Variants in ARFGAP1 observed in about 807,000 individuals in gnomAD.
ARFGAP1 encodes the protein ARF GTPase activating protein 1.
A neutral mutation model predicts 54.0 loss-of-function variants in ARFGAP1; 26 were observed. That is an observed-to-expected ratio of 0.48 (90% CI 0.35 to 0.67). ARFGAP1 has a LOEUF of 0.67. ARFGAP1 is among the 30% of genes least tolerant of loss of function. The probability of loss-of-function intolerance (pLI) is 0.00; values close to 1 mark genes in which losing one functional copy is unlikely to be tolerated. For synonymous variants in ARFGAP1, 248 were observed against 211.9 expected (o/e 1.17, Z -1.48); for missense variants, 525 against 535.8 (o/e 0.98, Z 0.20).
chr20:63,274,213 G>A (rs2067173403), intron 1 of ARFGAP1: 1 of 130,622 alleles, frequency 7.7e-6, no homozygotes, highest in African/African-American at 2.8e-5. Context: ...GAAAACAGGT[G>A]TTTATTTCCT....
In ARFGAP1 at chr20:63,278,876, C is replaced by T. The variant is rs781652377; in HGVS notation, c.531-23C>T. 5.6e-6 allele frequency: 9 copies of T among 1,612,650 alleles called. No individual in the cohort carries two copies. The East Asian group carries it at 2.0e-4, about 36-fold the overall frequency. ...GCAGGGTTCATGCCAGCATCTTCGG[C>T]CTCTTGTCCGCTTTGTTTTCAGGGC... On this transcript the variant is annotated intron_variant, in intron 6 of 12. Coordinates refer to ENST00000370283, the MANE Select transcript of ARFGAP1 (RefSeq NM_018209.4).
chr20:63,275,067 G>T (rs1348739101), intron 1 of ARFGAP1, among the ~76,000 whole-genome samples: 1 of 152,208 alleles, frequency 6.6e-6, no homozygotes, highest in Non-Finnish European at 1.5e-5. Context: ...AGGCAGCGGG[G>T]CACAGGCGGG....
rs780451093 is a variant in ARFGAP1 at position 63,284,898 on chromosome 20, C to T, written c.750C>T (p.Asn250=). The part of the protein sequence containing the change: ...ASELGHSLNE[N]VLKPAQEKVK... ...AGCTGGGCCACAGCCTGAACGAGAA[C>T]GTCCTCAAGCCTGCGCAGGAGAAGG... The change falls in exon 10 of 13, where the codon AAC becomes AAT. Residue 250 remains asparagine (N), a synonymous_variant. Coordinates refer to ENST00000370283, the MANE Select transcript of ARFGAP1 (RefSeq NM_018209.4). The T allele has an allele frequency of 1.5e-5, 25 of 1,613,080 alleles. No homozygotes were observed. Among genetic ancestry groups the T allele is most frequent in the Admixed American group, 3.3e-5 (2 of 59,988 alleles).
At chr20:63,286,745 G>C in intron 12 of ARFGAP1, 2 of 233,044 alleles carry the variant, frequency 8.6e-6, no homozygotes, top group South Asian at 5.3e-5. Context: ...CAGGAGCTGG[G>C]CTCCCCAGGC....
In ARFGAP1 at chr20:63,276,029, T is replaced by C. The variant is rs2067226748; in HGVS notation, c.61-62T>C. On this transcript the variant is annotated intron_variant, in intron 2 of 12. Coordinates refer to ENST00000370283, the MANE Select transcript of ARFGAP1 (RefSeq NM_018209.4). This position sits in a 1 kb window ranked among gnomAD's most constrained non-coding sequence, Gnocchi z 5.2. ...TCGCTCCTTGAGGCCACCTGTCGGG[T>C]CTTTGGGGTCCCTGGGCTCTGCCCT... 6.6e-7 allele frequency: 1 copy of C among 1,506,788 alleles called. No individual in the cohort carries two copies. The highest frequency in any genetic ancestry group is 1.4e-5 in the African/African-American group (1 of 72,756). The allele number at this position is 1,506,788 out of a possible 1,614,324, so 93.3% of individuals were successfully genotyped here.
intron 9 of ARFGAP1, 166 bp downstream of exon 9, chr20:63,283,017 C>T (rs2067427380): frequency 2.7e-6 from 2 of 742,914 alleles, no homozygotes; most frequent in Non-Finnish European, 4.5e-6. Flanking sequence ...TTCCCCTCCT[C>T]ATGCCCGGGT....
At chr20:63,283,145 G>C (rs554114401) in intron 9 of ARFGAP1, 5 of 486,882 alleles carry the variant, frequency 1.0e-5, no homozygotes, top group Admixed American at 7.0e-5. Flanking sequence ...AGGACTGCCC[G>C]GCTTGGCAGA....
intron 9 of ARFGAP1, chr20:63,284,086 G>A (rs1247305059): frequency 3.6e-6 from 5 of 1,382,858 alleles, no homozygotes; most frequent in African/African-American, 1.5e-5. Flanking sequence ...TCACCCCTGC[G>A]CAGTACCACT....
rs758614591 is a variant in ARFGAP1 at position 63,287,595 on chromosome 20, G to A, written c.943G>A (p.Gly315Ser). ...GGAGGGCCACAGTTATCAGAACAGC[G>A]GTCTGGACCACTTCCAAAACAGCAA... ...PSEGHSYQNS[G>S]LDHFQNSNID... The change falls in exon 13 of 13, where the codon GGT (glycine) becomes AGT (serine). Residue 315 changes from glycine (G) to serine (S), a missense_variant. Gly to Ser is a moderately conservative substitution (Grantham distance 56, BLOSUM62 0). This residue lies in a region of ARFGAP1 where 466 missense variants were observed against 453.6 expected (regional missense o/e 1.03). Coordinates refer to ENST00000370283, the MANE Select transcript of ARFGAP1 (RefSeq NM_018209.4). The A allele has an allele frequency of 8.7e-6, 14 of 1,607,786 alleles. No individual in the cohort carries two copies. Among genetic ancestry groups the A allele is most frequent in the Admixed American group, 5.0e-5 (3 of 59,728 alleles).
chr20:63,280,239 G>A lies in ARFGAP1; in HGVS notation c.628-1052G>A, dbSNP rs576698895. ...GGGGGCTGCTTAAACGGGAGCTTGC[G>A]CTGAGAGCCAAGGAAGGGCTTATTT... On this transcript the variant is annotated intron_variant, in intron 7 of 12. Transcript: ENST00000370283. Among the ~76,000 whole-genome samples the A allele has an allele frequency of 1.4e-4, 22 of 152,374 alleles. 1 individual carries two copies. The highest frequency in any genetic ancestry group is 4.6e-4 in the Admixed American group (7 of 15,310).
chr20:63,287,455 G>A, intron 12 of ARFGAP1, 109 bp from the exon 13 acceptor site: 2 of 1,062,836 alleles, frequency 1.9e-6, no homozygotes, highest in Non-Finnish European at 2.6e-6. Context: ...CCTGAGCGCT[G>A]GCCTGGGAAG....
At chr20:63,275,993 GC>G in intron 2 of ARFGAP1, 97 bp from the exon 3 acceptor site, 6 of 1,102,108 alleles carry the variant, frequency 5.4e-6, no homozygotes, top group Non-Finnish European at 8.3e-6. Context: ...ACCCTGGGCA[GC>G]CCTCTGCATT....
rs1198986621 is a variant in ARFGAP1 at position 63,286,217 on chromosome 20, CTG to C, written c.835-147_835-146del. 3 of 1,548,142 alleles carry C rather than the reference CTG, an allele frequency of 1.9e-6. No homozygotes were observed. In the African/African-American group the frequency reaches 4.1e-5, roughly 21 times the overall value. On this transcript the variant is annotated intron_variant, in intron 11 of 12. Transcript: ENST00000370283. ...TGCAGAGTGGCCGGGGCGTCTGTGT[CTG>C]TACGTGTGTGCGAGGCACCCCTTGT...
In ARFGAP1 at chr20:63,276,830, A is replaced by G. The variant is rs572015607; in HGVS notation, c.342+179A>G. The G allele has an allele frequency of 1.0e-4, 69 of 684,372 alleles. No individual in the cohort carries two copies. Among genetic ancestry groups the G allele is most frequent in the Non-Finnish European group, 1.4e-4 (62 of 428,840 alleles). 42.4% of individuals were successfully genotyped at this position (684,372 alleles called of 1,614,324 possible). A position where few individuals can be genotyped will look rare whatever the true frequency, so the allele number is the denominator to read the frequency against. On this transcript the variant is annotated intron_variant, in intron 4 of 12. Transcript: ENST00000370283. This position sits in a 1 kb window ranked among gnomAD's most constrained non-coding sequence, Gnocchi z 5.2. ...AGGCTTCCTGCCCAGAGGGGAGGCA[A>G]ATGGCTTGCGGGGGGAGACAGACCT...
In ARFGAP1 at chr20:63,284,469, G is replaced by C. The variant is rs112794130; in HGVS notation, c.718-397G>C. 327 of 1,110,394 alleles carry C rather than the reference G, an allele frequency of 2.9e-4. 1 individual carries two copies. Among genetic ancestry groups the C allele is most frequent in the African/African-American group, 1.1e-3 (66 of 61,914 alleles). 68.8% of individuals were successfully genotyped at this position (1,110,394 alleles called of 1,614,324 possible). A position where few individuals can be genotyped will look rare whatever the true frequency, so the allele number is the denominator to read the frequency against. On this transcript the variant is annotated intron_variant, in intron 9 of 12. Transcript: ENST00000370283. ...AGCCTCCGTGCCCTCTTCCCTCCAG[G>C]GGGGACTCGGTGCCTGCCTGGGGAG... is the stretch of plus-strand genomic sequence containing the variant.
chr20:63,283,952 C>T, intron 9 of ARFGAP1: 1 of 1,598,792 alleles, frequency 6.3e-7, no homozygotes, highest in Non-Finnish European at 8.5e-7. Flanking sequence ...CTCTGTCCCT[C>T]CTGCGTGCTG....
Position 63,288,370 on chromosome 20 carries a change from G to A in ARFGAP1, c.*497G>A, listed in dbSNP as rs1266050586. ...AGATGGAAATGCTGGAAATGATACT[G>A]GCGCTCACGCTGCCATCCGACCACC... is the stretch of plus-strand genomic sequence containing the variant. On this transcript the variant is annotated 3_prime_UTR_variant, in exon 13 of 13. Coordinates refer to ENST00000370283, the MANE Select transcript of ARFGAP1 (RefSeq NM_018209.4). 4.4e-6 allele frequency: 2 copies of A among 456,456 alleles called. No individual in the cohort carries two copies. Among genetic ancestry groups the A allele is most frequent in the African/African-American group, 4.0e-5 (2 of 50,102 alleles). 28.3% of individuals were successfully genotyped at this position (456,456 alleles called of 1,614,324 possible). A position where few individuals can be genotyped will look rare whatever the true frequency, so the allele number is the denominator to read the frequency against.
At chr20:63,283,176 C>T (rs779209771) in intron 9 of ARFGAP1, 123 of 442,958 alleles carry the variant, frequency 2.8e-4, no homozygotes, top group Non-Finnish European at 4.5e-4. Flanking sequence ...TGGCGGTGGC[C>T]GCTCAGCCAG....
chr20:63,283,514 C>T (rs1282483016), intron 9 of ARFGAP1: 2 of 355,396 alleles, frequency 5.6e-6, no homozygotes, highest in African/African-American at 4.2e-5. Context: ...CGAGGGTGTC[C>T]TTTCTCACGA....
Sources: allele counts gnomAD v4.1 joint callset (sites outside exome capture counted in the v4.1 genomes callset), GRCh38; gene constraint gnomAD v4.1.1; regional missense constraint gnomAD v4.1.1; non-coding constraint Gnocchi (gnomAD v3.1); transcripts MANE v1.5; gene names NCBI Gene and HGNC (gene_info 2026-07-23, HGNC 2026-07-21).